MMP10: variants seen among roughly 807,000 people sequenced by gnomAD.
MMP10 encodes stromelysin-2.
Under a neutral mutation model 49.1 loss-of-function variants are expected in MMP10, and 50 were observed. That is an observed-to-expected ratio of 1.02 (90% CI 0.81 to 1.29). MMP10 has a LOEUF of 1.29. MMP10 is among the 50% of genes most tolerant of loss of function. The pLI is 0.00. For missense variants in MMP10, 613 were observed against 563.8 expected, an observed-to-expected ratio of 1.09 and a Z score of -0.88; for synonymous variants, 229 against 201.6, an observed-to-expected ratio of 1.14 and a Z score of -1.15.
At chr11:102,775,046 G>T in intron 7 of MMP10, 142 bp downstream of exon 7, 1 of 575,080 alleles carries the variant, frequency 1.7e-6, no homozygotes, top group Non-Finnish European at 2.7e-6. Context: ...AGTTTATAAT[G>T]TTCTTTGTAC....
At chr11:102,773,617 A>G (rs916832679) in intron 7 of MMP10, among the ~76,000 whole-genome samples, 5 of 152,234 alleles carry the variant, frequency 3.3e-5, no homozygotes, top group African/African-American at 9.6e-5. Flanking sequence ...AATGACTTGT[A>G]TCTGTCTGAG....
chr11:102,779,380 A>G lies in MMP10; in HGVS notation c.348-19T>C. On this transcript the variant is annotated intron_variant, in intron 2 of 9. Coordinates refer to ENST00000279441, the MANE Select transcript of MMP10 (RefSeq NM_002425.3). ...CACAATCCTGGAGGAGAAAAATTGA[A>G]GAGGATGTTATTTTCTCCTGCCTTT... The G allele has an allele frequency of 6.2e-7, 1 of 1,612,800 alleles. No individual in the cohort carries two copies. Among genetic ancestry groups the G allele is most frequent in the South Asian group, 1.1e-5 (1 of 90,498 alleles).
chr11:102,775,357 C>T, intron 6 of MMP10, 36 bp from the exon 7 acceptor site: 1 of 1,536,496 alleles, frequency 6.5e-7, no homozygotes, highest in Non-Finnish European at 8.8e-7. Flanking sequence ...TTGTCTTTCT[C>T]TTTTAGATAT....
intron 4 of MMP10, among the ~76,000 whole-genome samples, chr11:102,777,986 C>T (rs17860962): frequency 0.1 from 15,725 of 152,148 alleles, 1,213 homozygotes; most frequent in African/African-American, 0.21. Flanking sequence ...ATCCCAGGCA[C>T]TGTCAGAAAT....
rs769120052 is a variant in MMP10, at chr11:102,776,409, G to A, written c.803C>T (p.Ser268Phe). 1.7e-5 allele frequency: 28 copies of A among 1,613,156 alleles called. No individual in the cohort carries two copies. In the East Asian group the frequency reaches 6.2e-4, roughly 36 times the overall value. Reference sequence around the variant, plus strand: ...TGTGGGCACCAGGGGTTCCTCAGTAGAGGCAGGGGGAGGTCCTAAAGGAAA... The same window carrying A: ...TGTGGGCACCAGGGGTTCCTCAGTAAAGGCAGGGGGAGGTCCTAAAGGAAA... ...IQSLYGPPPA[S>F]TEEPLVPTKS... Residue 268 changes from serine (S) to phenylalanine (F), a missense_variant, in exon 6 of 10, where the codon TCT (serine) becomes TTT (phenylalanine). By Grantham distance (155) the Ser-to-Phe change is radical (BLOSUM62 -2). Coordinates refer to ENST00000279441, the MANE Select transcript of MMP10 (RefSeq NM_002425.3).
At position 102,772,415 on chromosome 11, in the gene MMP10, T is replaced by G. The variant is rs1861984353; in HGVS notation, c.1227-300A>C. The stretch of plus-strand genomic sequence containing the variant: ...CACAGAAACCAAATTTCCCTGTGTC[T>G]ACTATAAATACATAAAGACTGTGTA... On this transcript the variant is annotated intron_variant, in intron 8 of 9. Transcript: ENST00000279441. This position sits in a 1 kb window ranked among gnomAD's most constrained non-coding sequence, Gnocchi z 4.4. 6.6e-6 allele frequency among the ~76,000 whole-genome samples: 1 copy of G among 152,228 alleles called. No individual in the cohort carries two copies. The highest frequency in any genetic ancestry group is 6.5e-5 in the Admixed American group (1 of 15,286).
rs781378869 is a variant in MMP10, at chr11:102,772,123, A to C, written c.1227-8T>G. On this transcript the variant is annotated splice_region_variant and splice_polypyrimidine_tract_variant and intron_variant, in intron 8 of 9. Coordinates refer to ENST00000279441, the MANE Select transcript of MMP10 (RefSeq NM_002425.3). This position sits in a 1 kb window ranked among gnomAD's most constrained non-coding sequence, Gnocchi z 4.4. The stretch of plus-strand genomic sequence containing the variant: ...TGGCTATTTTCATCAAATCTAAACC[A>C]AATGAAAGAAATACAGTTCAATGAT... The C allele has an allele frequency of 3.9e-6, 6 of 1,521,102 alleles. No individual in the cohort carries two copies. In the African/African-American group the frequency reaches 4.1e-5, roughly 10 times the overall value. The allele number at this position is 1,521,102 out of a possible 1,614,324, so 94.2% of individuals were successfully genotyped here.
intron 5 of MMP10, 48 bp downstream of exon 5, chr11:102,776,564 G>A (rs1857740413): frequency 1.3e-6 from 2 of 1,588,768 alleles, no homozygotes; most frequent in Middle Eastern, 1.7e-4. Context: ...CTTTCTGGAG[G>A]ACTGTCATTG....
chr11:102,771,771 A>T (rs1285280585), intron 9 of MMP10, among the ~76,000 whole-genome samples: 2 of 151,482 alleles, frequency 1.3e-5, no homozygotes, highest in Admixed American at 6.6e-5. Context: ...CTTTGATTTT[A>T]TGTGCGGATA....
rs1861986244 is a variant in MMP10, at chr11:102,772,645, G to GGCCC, written c.1226+201_1226+202insGGGC. ...CTGGCCTCTCCTGATGTCTTTTAGT[G>GGCCC]TCTGAGTATATGGCCCAGTGATCAC... On this transcript the variant is annotated intron_variant, in intron 8 of 9. Coordinates refer to ENST00000279441, the MANE Select transcript of MMP10 (RefSeq NM_002425.3). The surrounding 1 kb of genome is among the most constrained non-coding windows in gnomAD (Gnocchi z 4.4). Among the ~76,000 whole-genome samples the GGCCC allele has an allele frequency of 6.6e-6, 1 of 152,160 alleles. No homozygotes were observed. Among genetic ancestry groups the GGCCC allele is most frequent in the East Asian group, 1.9e-4 (1 of 5,198 alleles).
chr11:102,778,643 T>C lies in MMP10; in HGVS notation c.603A>G (p.Lys201=). The change falls in exon 4 of 10, where the codon AAA becomes AAG. Residue 201 remains lysine, a synonymous_variant. Coordinates refer to ENST00000279441, the MANE Select transcript of MMP10 (RefSeq NM_002425.3). The part of the protein sequence containing the change: ...YGDIHFDDDE[K]WTEDASGTNL... ...ACCCACCTGATGCATCTTCTGTCCA[T>C]TTTTCATCATCATCAAAGTGAATAT... The C allele has an allele frequency of 6.2e-7, 1 of 1,613,900 alleles. No individual in the cohort carries two copies. The highest frequency in any genetic ancestry group is 8.5e-7 in the Non-Finnish European group (1 of 1,179,884).
At chr11:102,778,548 G>T in intron 4 of MMP10, 76 bp downstream of exon 4, 2 of 1,567,226 alleles carry the variant, frequency 1.3e-6, no homozygotes, top group Non-Finnish European at 1.7e-6. Flanking sequence ...TTTATTGCTC[G>T]TTCTAGATAA....
chr11:102,774,157 T>C (rs1447815207), intron 7 of MMP10, among the ~76,000 whole-genome samples: 2 of 152,078 alleles, frequency 1.3e-5, no homozygotes, highest in Non-Finnish European at 2.9e-5. Flanking sequence ...AATTAAAGAA[T>C]TAAAATTGAA....
Position 102,779,292 on chromosome 11 carries a change from G to A in MMP10, c.417C>T (p.Val139=), listed in dbSNP as rs1857790489. The A allele has an allele frequency of 1.2e-6, 2 of 1,614,096 alleles. No individual in the cohort carries two copies. The highest frequency in any genetic ancestry group is 1.7e-6 in the Non-Finnish European group (2 of 1,180,010). ...ATGTGAGTGGAGTCACCTCTTCCCA[G>A]ACTTTCAGAGCTTTCTCAATGGCAG... The part of the protein sequence containing the change: ...VDSAIEKALK[V]WEEVTPLTFS... The change falls in exon 3 of 10, where the codon GTC becomes GTT. Residue 139 remains valine, a synonymous_variant. Coordinates refer to ENST00000279441, the MANE Select transcript of MMP10 (RefSeq NM_002425.3).
In MMP10 at chr11:102,770,814, A is replaced by G. The variant is rs1861968456; in HGVS notation, c.1410T>C (p.Ser470=). 1 of 1,609,686 alleles carries G rather than the reference A, an allele frequency of 6.2e-7. No individual in the cohort carries two copies. The highest frequency in any genetic ancestry group is 8.5e-7 in the Non-Finnish European group (1 of 1,177,386). The change falls in exon 10 of 10, where the codon AGT becomes AGC. Residue 470 remains serine, a synonymous_variant. Transcript: ENST00000279441. ...TCGCCTAGCAATGTAACCAGCTGTTACTCTTTAATATGTGTGTCACCATCC... is the reference window on the plus strand; with the variant it reads ...TCGCCTAGCAATGTAACCAGCTGTTGCTCTTTAATATGTGTGTCACCATCC... ...NARMVTHILK[S]NSWLHC
In MMP10 at chr11:102,772,258, C is replaced by G; in HGVS notation, c.1227-143G>C. On this transcript the variant is annotated intron_variant, in intron 8 of 9. Coordinates refer to ENST00000279441, the MANE Select transcript of MMP10 (RefSeq NM_002425.3). The surrounding 1 kb of genome is among the most constrained non-coding windows in gnomAD (Gnocchi z 4.4). ...AAAAAAGTGTTAAACATTTTTAGAG[C>G]TACAAGAATAGGTTACTTTCCTGGG... The G allele has an allele frequency of 1.8e-6, 1 of 568,218 alleles. No homozygotes were observed. Among genetic ancestry groups the G allele is most frequent in the Non-Finnish European group, 3.1e-6 (1 of 327,556 alleles). The allele number at this position is 568,218 out of a possible 1,614,324, so 35.2% of individuals were successfully genotyped here. A position where few individuals can be genotyped will look rare whatever the true frequency, so the allele number is the denominator to read the frequency against.
At position 102,775,274 on chromosome 11, in the gene MMP10, A is replaced by G. The variant is rs1383610220; in HGVS notation, c.980T>C (p.Leu327Ser). Residue 327 changes from leucine to serine, a missense_variant, in exon 7 of 10, where the codon TTG becomes TCG. By Grantham distance (145) the Leu-to-Ser change is moderately radical. Transcript: ENST00000279441. ...SHWNPEPEFH[L>S]ISAFWPSLPS... ...AAGAGAGGGCCAAAATGCAGAAATC[A>G]AATGAAATTCAGGTTCAGGGTTCCA... is the stretch of plus-strand genomic sequence containing the variant. The G allele has an allele frequency of 3.7e-6, 6 of 1,610,178 alleles. No homozygotes were observed. The highest frequency in any genetic ancestry group is 5.1e-6 in the Non-Finnish European group (6 of 1,177,900).
Position 102,776,353 on chromosome 11 carries a change from C to T in MMP10, c.859G>A (p.Ala287Thr), listed in dbSNP as rs780981697. The part of the protein sequence containing the change: ...KSVPSGSEMP[A>T]KCDPALSFDA... Reference sequence around the variant, plus strand: ...AAGGACAAAGCAGGATCACACTTGGCTGGCATCTCAGATCCCGAAGGAACA... The same window carrying T: ...AAGGACAAAGCAGGATCACACTTGGTTGGCATCTCAGATCCCGAAGGAACA... The change falls in exon 6 of 10, where the codon GCC (alanine) becomes ACC (threonine). Residue 287 changes from alanine (A) to threonine (T), a missense_variant. Coordinates refer to ENST00000279441, the MANE Select transcript of MMP10 (RefSeq NM_002425.3). The T allele has an allele frequency of 3.1e-6, 5 of 1,613,854 alleles. No homozygotes were observed. In the Admixed American group the frequency reaches 5.0e-5, roughly 16 times the overall value.
chr11:102,777,948 A>C (rs1399215923), intron 4 of MMP10, among the ~76,000 whole-genome samples: 1 of 152,150 alleles, frequency 6.6e-6, no homozygotes, highest in Non-Finnish European at 1.5e-5. Flanking sequence ...TGTACTCAGG[A>C]AAGATGTTCT....
Sources: gnomAD v4.1 joint callset for allele counts (sites outside exome capture counted in the v4.1 genomes callset) on GRCh38, gnomAD v4.1.1 for gene constraint, Gnocchi (gnomAD v3.1) non-coding constraint, MANE v1.5 for transcripts, NCBI Gene and HGNC (gene_info 2026-07-23, HGNC 2026-07-21) for gene names.